The following PDE3B variants were observed in gnomAD, a reference collection of about 807,000 sequenced individuals.
PDE3B encodes phosphodiesterase 3B.
In PDE3B, 66 loss-of-function variants were observed where a neutral mutation model predicts 116.8. That is an observed-to-expected ratio of 0.56 (90% CI 0.46 to 0.69). The LOEUF (loss-of-function observed/expected upper bound fraction) is 0.69. PDE3B is among the 30% of genes least tolerant of loss of function. The pLI, the probability that PDE3B is intolerant of heterozygous loss-of-function variation, is 0.00. For synonymous variants in PDE3B, 595 were observed against 533.6 expected (o/e 1.12, Z -1.59); for missense variants, 1,384 against 1,368.1 (o/e 1.01, Z -0.18).
intron 1 of PDE3B, among the ~76,000 whole-genome samples, chr11:14,770,050 G>C (rs1329546548): frequency 6.6e-6 from 1 of 151,324 alleles, no homozygotes; most frequent in African/African-American, 2.4e-5. Context: ...TGTGAGTCAG[G>C]GAAATAAGGT....
At chr11:14,672,017 GAA>G (rs1206100149) in intron 1 of PDE3B, among the ~76,000 whole-genome samples, 5 of 129,214 alleles carry the variant, frequency 3.9e-5, no homozygotes, top group East Asian at 2.2e-4. Flanking sequence ...ACCTTGTCTT[GAA>G]AAAAAAAAAA....
chr11:14,730,856 A>G (rs539580790), intron 1 of PDE3B, among the ~76,000 whole-genome samples: 4 of 152,344 alleles, frequency 2.6e-5, no homozygotes, highest in South Asian at 2.1e-4. Flanking sequence ...TCACTCTGTC[A>G]TCATCATTTG....
At chr11:14,769,389 AC>A (rs1857576638) in intron 1 of PDE3B, among the ~76,000 whole-genome samples, 1 of 151,068 alleles carries the variant, frequency 6.6e-6, no homozygotes, top group Non-Finnish European at 1.5e-5. Flanking sequence ...ATTTTTAGAG[AC>A]CTTTAAGAGT....
At chr11:14,893,678 G>A in the PDE3B span, among the ~76,000 whole-genome samples, 3 of 152,010 alleles carry the variant, frequency 2.0e-5, no homozygotes, top group East Asian at 5.8e-4. Context: ...TTCCAACATC[G>A]CTGTCTCTCT....
At chr11:14,840,716 A>G (rs990557492) in intron 11 of PDE3B, among the ~76,000 whole-genome samples, 1 of 152,218 alleles carries the variant, frequency 6.6e-6, no homozygotes, top group African/African-American at 2.4e-5. Context: ...GTAATAAGGT[A>G]AATCCTTCCA....
intron 1 of PDE3B, among the ~76,000 whole-genome samples, chr11:14,765,947 C>G (rs1857483328): frequency 6.6e-6 from 1 of 151,220 alleles, no homozygotes; most frequent in African/African-American, 2.4e-5. Context: ...TTACTGTCTA[C>G]TTGGAAGTAA....
At chr11:14,841,537 G>A (rs11821380) in intron 11 of PDE3B, among the ~76,000 whole-genome samples, 21,926 of 148,054 alleles carry the variant, frequency 0.15, 2,035 homozygotes, top group African/African-American at 0.27. Flanking sequence ...TTCTTATTCC[G>A]TGGGTTTATG....
Position 14,869,619 on chromosome 11 carries a change from G to A in PDE3B, c.3298G>A (p.Asp1100Asn). Residue 1100 changes from aspartate to asparagine, a missense_variant, in exon 16 of 16, where the codon GAT (aspartate) becomes AAT (asparagine). Coordinates refer to ENST00000282096, the MANE Select transcript of PDE3B (RefSeq NM_000922.4). ...GGAGAATTCCTCCTTACCTCAAGCAGATGAGATTCAGGTAATTGAAGAGGC... is the reference window on the plus strand; with the variant it reads ...GGAGAATTCCTCCTTACCTCAAGCAAATGAGATTCAGGTAATTGAAGAGGC... ...QVENSSLPQA[D>N]EIQVIEEADE... The A allele has an allele frequency of 1.9e-6, 3 of 1,613,908 alleles. No homozygotes were observed. The highest frequency in any genetic ancestry group is 2.5e-6 in the Non-Finnish European group (3 of 1,179,958).
chr11:14,752,054 A>G, intron 1 of PDE3B, among the ~76,000 whole-genome samples: 1 of 152,180 alleles, frequency 6.6e-6, no homozygotes, highest in East Asian at 1.9e-4. Context: ...GGACTGTGAC[A>G]TGGGTTATCA....
chr11:14,795,096 A>T (rs1054586825), intron 4 of PDE3B, among the ~76,000 whole-genome samples: 3 of 152,128 alleles, frequency 2.0e-5, no homozygotes, highest in Non-Finnish European at 2.9e-5. Context: ...TGATTGAGTA[A>T]ATCATTGGCC....
At chr11:14,692,603 A>C (rs947202164) in intron 1 of PDE3B, among the ~76,000 whole-genome samples, 4 of 152,120 alleles carry the variant, frequency 2.6e-5, no homozygotes, top group Non-Finnish European at 5.9e-5. Context: ...ATTTGTGATC[A>C]GCGATCTTTG....
At chr11:14,695,159 A>G (rs1683103655) in intron 1 of PDE3B, among the ~76,000 whole-genome samples, 1 of 151,878 alleles carries the variant, frequency 6.6e-6, no homozygotes. Context: ...TTTCTATTTT[A>G]TGAAAATTCA....
intron 1 of PDE3B, among the ~76,000 whole-genome samples, chr11:14,746,229 A>G (rs1248280083): frequency 6.6e-6 from 1 of 152,072 alleles, no homozygotes; most frequent in African/African-American, 2.4e-5. Flanking sequence ...CCCTGTCTCT[A>G]CTAAAAATAC....
At chr11:14,823,668 A>G (rs1190272739) in intron 7 of PDE3B, among the ~76,000 whole-genome samples, 2 of 152,108 alleles carry the variant, frequency 1.3e-5, no homozygotes, top group East Asian at 3.9e-4. Context: ...CCAGAGGGAT[A>G]GGGGGACTGC....
chr11:14,695,396 A>G (rs1324994145), intron 1 of PDE3B, among the ~76,000 whole-genome samples: 2 of 152,148 alleles, frequency 1.3e-5, no homozygotes, highest in African/African-American at 4.8e-5. Context: ...GTAGTTATGG[A>G]TAAAGCTTGT....
At chr11:14,810,295 C>A (rs1161698770) in intron 5 of PDE3B, among the ~76,000 whole-genome samples, 4 of 150,524 alleles carry the variant, frequency 2.7e-5, no homozygotes, top group Non-Finnish European at 3.0e-5. Context: ...TTAGGCATAT[C>A]TCCCAATGCT....
At chr11:14,748,745 G>C (rs577865524) in intron 1 of PDE3B, among the ~76,000 whole-genome samples, 14 of 152,118 alleles carry the variant, frequency 9.2e-5, no homozygotes, top group Admixed American at 3.9e-4. Flanking sequence ...ATCTGAGACA[G>C]CTACATTTAT....
At chr11:14,808,091 T>G (rs939165882) in intron 5 of PDE3B, among the ~76,000 whole-genome samples, 1 of 150,224 alleles carries the variant, frequency 6.7e-6, no homozygotes, top group Non-Finnish European at 1.5e-5. Context: ...ATCTTCTGAC[T>G]GCTCATTGGT....
At chr11:14,710,509 CAG>C (rs1388127374) in intron 1 of PDE3B, among the ~76,000 whole-genome samples, 1 of 152,262 alleles carries the variant, frequency 6.6e-6, no homozygotes, top group Admixed American at 6.5e-5. Flanking sequence ...CAAAGTCCAT[CAG>C]AGTCTTTTCC....
Sources: gnomAD v4.1 joint callset for allele counts (sites outside exome capture counted in the v4.1 genomes callset) on GRCh38, gnomAD v4.1.1 for gene constraint, MANE v1.5 for transcripts, NCBI Gene and HGNC (gene_info 2026-07-23, HGNC 2026-07-21) for gene names.